TCF4: variants seen among roughly 807,000 people sequenced by gnomAD.
TCF4 encodes the protein SL3-3 enhancer factor 2.
In TCF4, 3 loss-of-function variants were observed where a neutral mutation model predicts 82.1. That is an observed-to-expected ratio of 0.04 (90% CI 0.02 to 0.09). The LOEUF (loss-of-function observed/expected upper bound fraction) is 0.09. Among genes scored for constraint, TCF4 ranks in the 10% least tolerant of loss-of-function variants. The pLI, the probability that TCF4 is intolerant of heterozygous loss-of-function variation, is 1.00. For missense variants in TCF4, 518 were observed against 852.7 expected (o/e 0.61, Z 4.89); for synonymous variants, 276 against 309.6 (o/e 0.89, Z 1.14).
chr18:55,326,387 T>A (rs2076552972), intron 8 of TCF4, among the ~76,000 whole-genome samples: 3 of 114,834 alleles, frequency 2.6e-5, no homozygotes, highest in Admixed American at 1.1e-4. Flanking sequence ...CAAGAGTGCC[T>A]TAAAGAGCAG....
intron 6 of TCF4, among the ~76,000 whole-genome samples, chr18:55,391,667 T>C (rs2093111596): frequency 6.6e-6 from 1 of 151,940 alleles, no homozygotes; most frequent in Non-Finnish European, 1.5e-5. Context: ...GCGCGGTGGT[T>C]CATGCCTGTA....
At chr18:55,610,959 A>C (rs974116095) in intron 2 of TCF4, among the ~76,000 whole-genome samples, 3 of 152,198 alleles carry the variant, frequency 2.0e-5, no homozygotes, top group Non-Finnish European at 2.9e-5. Context: ...AGTGGGCCCA[A>C]GAAAAGCTTC....
chr18:55,613,392 C>T (rs1052790739), intron 2 of TCF4, among the ~76,000 whole-genome samples: 1 of 151,914 alleles, frequency 6.6e-6, no homozygotes, highest in Non-Finnish European at 1.5e-5. Flanking sequence ...TTGTTTTATT[C>T]TTTTGGTCTG....
intron 3 of TCF4, chr18:55,550,537 T>C (rs916558190): frequency 1.3e-5 from 2 of 152,170 alleles, no homozygotes; most frequent in African/African-American, 4.8e-5. Context: ...AGTCTCTTCT[T>C]TGGTAAAATT....
At chr18:55,381,320 G>A (rs1277532441) in intron 6 of TCF4, among the ~76,000 whole-genome samples, 1 of 152,160 alleles carries the variant, frequency 6.6e-6, no homozygotes, top group African/African-American at 2.4e-5. Context: ...ATATTTCAAA[G>A]GTGAAAACAC....
rs1394992119 is a variant in TCF4 at position 55,224,795 on chromosome 18, C to G, written c.*3240G>C. ...CAAATGGTAAAAATTTCTAGATGAA[C>G]AGATCCCTATTCTGCATATTCATAA... On this transcript the variant is annotated 3_prime_UTR_variant, in exon 20 of 20. Transcript: ENST00000354452. 2 of 152,530 alleles carry G rather than the reference C, an allele frequency of 1.3e-5. No homozygotes were observed. Among genetic ancestry groups the G allele is most frequent in the African/African-American group, 4.8e-5 (2 of 41,426 alleles). The allele number at this position is 152,530 out of a possible 1,614,324, so 9.4% of individuals were successfully genotyped here.
chr18:55,422,461 T>G, intron 5 of TCF4: 1 of 983,766 alleles, frequency 1.0e-6, no homozygotes, highest in South Asian at 4.7e-5. Context: ...GAAATTCTCA[T>G]ACTTGGGTCA....
rs552620119 is a variant in TCF4 at position 55,318,077 on chromosome 18, T to C, written c.549+32282A>G. Reference sequence around the variant, plus strand: ...CTCTCTACGGTTTAACACATGCACATGCTGGCGAGAGCTGATGATGTGATC... The same window carrying C: ...CTCTCTACGGTTTAACACATGCACACGCTGGCGAGAGCTGATGATGTGATC... On this transcript the variant is annotated intron_variant, in intron 8 of 19. Coordinates refer to ENST00000354452, the MANE Select transcript of TCF4 (RefSeq NM_001083962.2). Among the ~76,000 whole-genome samples the C allele has an allele frequency of 1.5e-3, 225 of 152,266 alleles. 1 individual carries two copies. Among genetic ancestry groups the C allele is most frequent in the African/African-American group, 5.2e-3 (217 of 41,588 alleles).
chr18:55,621,943 CTATATATATTATATATACACTATATAT>C (rs2097721078), intron 2 of TCF4, among the ~76,000 whole-genome samples: 9 of 113,776 alleles, frequency 7.9e-5, no homozygotes, highest in Non-Finnish European at 1.1e-4. Flanking sequence ...TATATATACA[CTATATATATTATATATACACTATATAT>C]TATATATTAT....
rs117716457 is a variant in TCF4 at position 55,240,386 on chromosome 18, T to G, written c.1351-5703A>C. Reference sequence around the variant, plus strand: ...AACAGTTTTGGTGTCTGAACTGTAATCTCCCCATGAAATATCAATTATACA... The same window carrying G: ...AACAGTTTTGGTGTCTGAACTGTAAGCTCCCCATGAAATATCAATTATACA... On this transcript the variant is annotated intron_variant, in intron 15 of 19. Transcript: ENST00000354452. Among the ~76,000 whole-genome samples, 386 of 152,312 alleles carry G rather than the reference T, an allele frequency of 2.5e-3. 8 individuals carry two copies. In the East Asian group the frequency reaches 0.04, roughly 16 times the overall value.
intron 2 of TCF4, among the ~76,000 whole-genome samples, chr18:55,598,049 C>T (rs1603625163): frequency 6.6e-6 from 1 of 152,260 alleles, no homozygotes; most frequent in African/African-American, 2.4e-5. Flanking sequence ...GTAGGCTAGA[C>T]AAGAATAAAT....
chr18:55,308,027 A>G (rs1188603412), intron 8 of TCF4, among the ~76,000 whole-genome samples: 1 of 152,236 alleles, frequency 6.6e-6, no homozygotes, highest in Non-Finnish European at 1.5e-5. Context: ...GAGTGCATGT[A>G]TGAATGAACA....
chr18:55,464,131 T>C lies in TCF4; in HGVS notation c.152A>G (p.Glu51Gly). 1.2e-6 allele frequency: 2 copies of C among 1,614,040 alleles called. No individual in the cohort carries two copies. The highest frequency in any genetic ancestry group is 1.7e-6 in the Non-Finnish European group (2 of 1,179,926). The change falls in exon 4 of 20, where the codon GAA (glutamate) becomes GGA (glycine). Residue 51 changes from glutamate to glycine, a missense_variant. Physicochemically the swap from Glu to Gly is moderately conservative, Grantham distance 98 (BLOSUM62 -2). This residue lies in a region of TCF4 where 80 missense variants were observed against 93.8 expected (regional missense o/e 0.85). Transcript: ENST00000354452. ...CCAGGACCCTGAGCTACTTCTGTCTTCTACATCTAGGGACAAGAGAAAAGT... is the reference window on the plus strand; with the variant it reads ...CCAGGACCCTGAGCTACTTCTGTCTCCTACATCTAGGGACAAGAGAAAAGT... Reference protein sequence around the residue: ...ASGHFTGSNVEDRSSSGSWGN... With the variant: ...ASGHFTGSNVGDRSSSGSWGN...
chr18:55,532,542 C>G (rs936206790), intron 3 of TCF4, among the ~76,000 whole-genome samples: 1 of 152,190 alleles, frequency 6.6e-6, no homozygotes, highest in Non-Finnish European at 1.5e-5. Context: ...ACTGTCAAAC[C>G]TAAACATACA....
chr18:55,495,290 G>A (rs1451655400), intron 3 of TCF4, among the ~76,000 whole-genome samples: 5 of 147,704 alleles, frequency 3.4e-5, no homozygotes, highest in Non-Finnish European at 7.4e-5. Context: ...AGTCGGTGGA[G>A]AATATAAGAA....
chr18:55,283,449 C>T (rs772010674), intron 8 of TCF4, among the ~76,000 whole-genome samples: 41 of 152,306 alleles, frequency 2.7e-4, no homozygotes, highest in Non-Finnish European at 5.1e-4. Context: ...CACTTACGGA[C>T]ATTTTAAAAT....
chr18:55,583,743 T>G (rs1568459476), intron 3 of TCF4, among the ~76,000 whole-genome samples: 1 of 149,430 alleles, frequency 6.7e-6, no homozygotes, highest in Non-Finnish European at 1.5e-5. Context: ...AGTTAAGTCA[T>G]AAAAAAATTA....
At chr18:55,499,845 T>C (rs932229622) in intron 3 of TCF4, among the ~76,000 whole-genome samples, 1 of 152,202 alleles carries the variant, frequency 6.6e-6, no homozygotes, top group Non-Finnish European at 1.5e-5. Flanking sequence ...CTAGACCTAC[T>C]GAATGGGAAG....
intron 6 of TCF4, among the ~76,000 whole-genome samples, chr18:55,359,949 T>C (rs1202212582): frequency 6.6e-6 from 1 of 152,202 alleles, no homozygotes; most frequent in Non-Finnish European, 1.5e-5. Flanking sequence ...TAAATTTCTA[T>C]AGTACATGGG....
Sources: gnomAD v4.1 joint callset for allele counts (sites outside exome capture counted in the v4.1 genomes callset) on GRCh38, gnomAD v4.1.1 for gene constraint, gnomAD v4.1.1 regional missense constraint, MANE v1.5 for transcripts, NCBI Gene and HGNC (gene_info 2026-07-23, HGNC 2026-07-21) for gene names.